Variants in CYP7B1 observed in about 807,000 individuals in gnomAD.
CYP7B1 encodes the protein cytochrome P450 family 7 subfamily B member 1, also known as cytochrome P450 7B1.
In CYP7B1, 29 loss-of-function variants were observed where a neutral mutation model predicts 42.7. The ratio of observed to expected loss-of-function variants is 0.68; its 90% CI spans 0.51 to 0.93. The LOEUF is 0.93. CYP7B1 is among the 40% of genes least tolerant of loss of function. The probability of loss-of-function intolerance (pLI) is 0.00; values close to 1 mark genes in which losing one functional copy is unlikely to be tolerated. For synonymous variants in CYP7B1, 235 were observed against 218.2 expected, an observed-to-expected ratio of 1.08 and a Z score of -0.68; for missense variants, 655 against 600.5, an observed-to-expected ratio of 1.09 and a Z score of -0.95.
At chr8:64,599,900 C>T (rs62519843) in intron 5 of CYP7B1, among the ~76,000 whole-genome samples, 11,593 of 152,240 alleles carry the variant, frequency 0.076, 503 homozygotes, top group Non-Finnish European at 0.1. Flanking sequence ...AAAGACAGAG[C>T]TAACCTACAG....
intron 1 of CYP7B1, among the ~76,000 whole-genome samples, chr8:64,786,380 C>A (rs1166973339): frequency 6.6e-6 from 1 of 152,188 alleles, no homozygotes; most frequent in Non-Finnish European, 1.5e-5. Context: ...TGGGTAAATA[C>A]ACCCATTCCA....
intron 1 of CYP7B1, among the ~76,000 whole-genome samples, chr8:64,664,268 G>C (rs2129631491): frequency 6.6e-6 from 1 of 152,244 alleles, no homozygotes; most frequent in East Asian, 1.9e-4. Flanking sequence ...CAGCCAACAG[G>C]AGCTCAGCAT....
intron 1 of CYP7B1, among the ~76,000 whole-genome samples, chr8:64,764,229 G>GCCCCCCCCCCCCCCCCTCC (rs59605103): frequency 8.0e-6 from 1 of 125,150 alleles, no homozygotes; most frequent in Non-Finnish European, 1.7e-5. Context: ...CTTCCACGCT[G>GCCCCCCCCCCCCCCCCTCC]CCCCCCCCAC....
Position 64,596,400 on chromosome 8 carries a change from A to G in CYP7B1, c.*242T>C. 2.5e-6 allele frequency: 1 copy of G among 404,452 alleles called. No homozygotes were observed. The highest frequency in any genetic ancestry group is 4.5e-6 in the Non-Finnish European group (1 of 223,470). 25.1% of individuals were successfully genotyped at this position (404,452 alleles called of 1,614,324 possible). A position where few individuals can be genotyped will look rare whatever the true frequency, so the allele number is the denominator to read the frequency against. ...AACAAGGAGAAACTAAAAAAACAAC[A>G]ACAACCCTGTTTTGAGCCTACCCTT... is the stretch of plus-strand genomic sequence containing the variant. On this transcript the variant is annotated 3_prime_UTR_variant, in exon 6 of 6. Coordinates refer to ENST00000310193, the MANE Select transcript of CYP7B1 (RefSeq NM_004820.5).
intron 1 of CYP7B1, among the ~76,000 whole-genome samples, chr8:64,719,958 C>A (rs576823899): frequency 2.0e-5 from 3 of 152,208 alleles, no homozygotes; most frequent in Admixed American, 1.3e-4. Flanking sequence ...GCTTTAGAAA[C>A]AGAATAGGAA....
intron 1 of CYP7B1, among the ~76,000 whole-genome samples, chr8:64,724,303 C>T (rs558326681): frequency 1.9e-4 from 29 of 152,160 alleles, no homozygotes; most frequent in Middle Eastern, 3.4e-3. Context: ...TGTGCCACCA[C>T]GCCCAGCTAA....
intron 1 of CYP7B1, among the ~76,000 whole-genome samples, chr8:64,654,536 G>A (rs1327687505): frequency 2.0e-5 from 3 of 152,062 alleles, no homozygotes; most frequent in African/African-American, 7.2e-5. Flanking sequence ...ACAAACAAAT[G>A]GAAAAACATC....
At chr8:64,770,183 T>A (rs1272077196) in intron 1 of CYP7B1, among the ~76,000 whole-genome samples, 4 of 152,102 alleles carry the variant, frequency 2.6e-5, no homozygotes, top group African/African-American at 9.7e-5. Context: ...GAGGGATATA[T>A]AAATCATAGA....
rs1057518485 is a variant in CYP7B1 at position 64,615,052 on chromosome 8, T to G, written c.1031A>C (p.Glu344Ala). The G allele has an allele frequency of 1.1e-5, 18 of 1,613,594 alleles. No homozygotes were observed. Among genetic ancestry groups the G allele is most frequent in the Non-Finnish European group, 1.5e-5 (18 of 1,179,740 alleles). ...GSGFPIHLTR[E>A]QLDSLICLES... ...TAGGCAGATTAGGCTGTCCAATTGT[T>G]CTCTGGTGAGGTGGATGGGAAATCC... The change falls in exon 4 of 6, where the codon GAA becomes GCA. Residue 344 changes from glutamate (E) to alanine (A), a missense_variant. Transcript: ENST00000310193.
At chr8:64,666,136 C>T (rs1806276636) in intron 1 of CYP7B1, among the ~76,000 whole-genome samples, 1 of 152,050 alleles carries the variant, frequency 6.6e-6, no homozygotes, top group African/African-American at 2.4e-5. Flanking sequence ...TTATGCTTTT[C>T]TGAGTTTTTC....
At chr8:64,674,950 G>C (rs180806478) in intron 1 of CYP7B1, among the ~76,000 whole-genome samples, 4 of 151,706 alleles carry the variant, frequency 2.6e-5, no homozygotes, top group African/African-American at 9.7e-5. Context: ...TTTATGACTG[G>C]GGCTTATCAC....
At chr8:64,718,179 C>A (rs1807186093) in intron 1 of CYP7B1, among the ~76,000 whole-genome samples, 1 of 151,894 alleles carries the variant, frequency 6.6e-6, no homozygotes, top group South Asian at 2.1e-4. Context: ...AGTTGCATCC[C>A]TATTGAATAT....
intron 1 of CYP7B1, among the ~76,000 whole-genome samples, chr8:64,672,360 T>A (rs1430002334): frequency 6.6e-6 from 1 of 152,148 alleles, no homozygotes; most frequent in Non-Finnish European, 1.5e-5. Context: ...GAAAGCAATA[T>A]AGACATGACA....
intron 1 of CYP7B1, among the ~76,000 whole-genome samples, chr8:64,727,640 G>T (rs994513514): frequency 6.6e-6 from 1 of 152,128 alleles, no homozygotes; most frequent in Non-Finnish European, 1.5e-5. Context: ...GAAATCTTTA[G>T]GCAAAGATTA....
At chr8:64,602,527 G>A (rs1247217481) in intron 5 of CYP7B1, among the ~76,000 whole-genome samples, 1 of 152,162 alleles carries the variant, frequency 6.6e-6, no homozygotes, top group East Asian at 1.9e-4. Flanking sequence ...TTGTCTCTCT[G>A]TCTTCCAAGA....
intron 1 of CYP7B1, 142 bp downstream of exon 1, chr8:64,798,324 G>A (rs1211965650): frequency 8.0e-7 from 1 of 1,248,936 alleles, no homozygotes; most frequent in Admixed American, 4.0e-5. Context: ...TTATTACAAA[G>A]TCCCAAAGGA....
intron 1 of CYP7B1, among the ~76,000 whole-genome samples, chr8:64,676,475 A>T (rs1242320165): frequency 6.6e-6 from 1 of 151,984 alleles, no homozygotes; most frequent in East Asian, 1.9e-4. Flanking sequence ...CTAATGCAAA[A>T]CCTCTGAAGA....
chr8:64,610,868 A>G (rs1805353029), intron 4 of CYP7B1, among the ~76,000 whole-genome samples: 1 of 152,154 alleles, frequency 6.6e-6, no homozygotes, highest in Admixed American at 6.5e-5. Context: ...TTCTGCCACT[A>G]TCTAGCTGTA....
Position 64,638,851 on chromosome 8 carries a change from G to A in CYP7B1, c.123-14312C>T, listed in dbSNP as rs539751670. On this transcript the variant is annotated intron_variant, in intron 1 of 5. Coordinates refer to ENST00000310193, the MANE Select transcript of CYP7B1 (RefSeq NM_004820.5). ...TGTGTGTGTGTGTGTGTGCCTGTGT[G>A]TGTGCATGAACATGTATATGTATTT... is the stretch of plus-strand genomic sequence containing the variant. Among the ~76,000 whole-genome samples, 11 of 152,056 alleles carry A rather than the reference G, an allele frequency of 7.2e-5. No individual in the cohort carries two copies. The South Asian group carries it at 2.3e-3, about 32-fold the overall frequency.
Sources: gnomAD v4.1 joint callset for allele counts (sites outside exome capture counted in the v4.1 genomes callset) on GRCh38, gnomAD v4.1.1 for gene constraint, MANE v1.5 for transcripts, NCBI Gene and HGNC (gene_info 2026-07-23, HGNC 2026-07-21) for gene names.